The following NCAPG variants were observed in gnomAD, a reference collection of about 807,000 sequenced individuals.
NCAPG encodes condensin complex subunit 3.
Under a neutral mutation model 113.1 loss-of-function variants are expected in NCAPG, and 69 were observed. That is an observed-to-expected ratio of 0.61 (90% CI 0.50 to 0.75). The LOEUF is 0.75. Ranked by LOEUF, NCAPG falls within the 30% of genes least tolerant of loss-of-function variation. The probability of loss-of-function intolerance (pLI) is 0.00; values close to 1 mark genes in which losing one functional copy is unlikely to be tolerated. For missense variants in NCAPG, 1,058 were observed against 1,177.0 expected (o/e 0.90, Z 1.48); for synonymous variants, 370 against 415.8 (o/e 0.89, Z 1.34).
chr4:17,834,902 A>G (rs1722032197), intron 14 of NCAPG, among the ~76,000 whole-genome samples: 3 of 152,242 alleles, frequency 2.0e-5, no homozygotes, highest in Non-Finnish European at 4.4e-5. Flanking sequence ...ATTTCTCACT[A>G]TCAAATTGTA....
chr4:17,816,280 G>C lies in NCAPG; in HGVS notation c.775+922G>C, dbSNP rs967735617. On this transcript the variant is annotated intron_variant, in intron 5 of 20. Transcript: ENST00000251496. ...CACAATAGAGTTCCTGCGCCTGAGA[G>C]AATCTAATGCATCTGCTGATCTGAC... Among the ~76,000 whole-genome samples, 5 of 152,232 alleles carry C rather than the reference G, an allele frequency of 3.3e-5. 1 individual carries two copies. The Middle Eastern group carries it at 0.017, about 518-fold the overall frequency.
chr4:17,825,450 T>C lies in NCAPG; in HGVS notation c.1542T>C (p.Asp514=). Residue 514 remains aspartate (D), a synonymous_variant, in exon 11 of 21, where the codon GAT becomes GAC. Transcript: ENST00000251496. ...TGGAAAATTGCATTACCTTACAGGA[T>C]TTTAATCGGGCATCAGAATTAAAAG... is the stretch of plus-strand genomic sequence containing the variant. ...EALENCITLQ[D]FNRASELKEE... 6.2e-7 allele frequency: 1 copy of C among 1,609,202 alleles called. No individual in the cohort carries two copies. Among genetic ancestry groups the C allele is most frequent in the Non-Finnish European group, 8.5e-7 (1 of 1,178,484 alleles).
chr4:17,834,523 G>C lies in NCAPG; in HGVS notation c.2109G>C (p.Glu703Asp), dbSNP rs762541566. The C allele has an allele frequency of 6.4e-7, 1 of 1,559,518 alleles. No homozygotes were observed. Among genetic ancestry groups the C allele is most frequent in the South Asian group, 1.2e-5 (1 of 83,232 alleles). The change falls in exon 14 of 21, where the codon GAG (glutamate) becomes GAC (aspartate). Residue 703 changes from glutamate (E) to aspartate (D), a missense_variant and splice_region_variant. Glu to Asp is a conservative substitution (Grantham distance 45, BLOSUM62 2). Coordinates refer to ENST00000251496, the MANE Select transcript of NCAPG (RefSeq NM_022346.5). ...TCCTTTCTGATTTCTTAGATAGTGA[G>C]GTAAGAAATAATCCAGTCCTGTGAT... is the stretch of plus-strand genomic sequence containing the variant. Reference protein sequence around the residue: ...LKLLSDFLDSEVSELRTGAAE... With the variant: ...LKLLSDFLDSDVSELRTGAAE...
At chr4:17,837,429 T>A (rs777595872) in intron 15 of NCAPG, 89 bp downstream of exon 15, 103 of 1,320,100 alleles carry the variant, frequency 7.8e-5, no homozygotes, top group Non-Finnish European at 1.0e-4. Flanking sequence ...ATTTTGTTGT[T>A]GATACTTTTT....
intron 5 of NCAPG, 138 bp from the exon 6 acceptor site, chr4:17,817,123 A>G: frequency 8.1e-6 from 5 of 617,660 alleles, no homozygotes; most frequent in Non-Finnish European, 1.4e-5. Context: ...AAAAATATAT[A>G]TATACATGCT....
intron 20 of NCAPG, 29 bp downstream of exon 20, chr4:17,842,408 AG>A (rs1265842704): frequency 6.4e-7 from 1 of 1,555,000 alleles, no homozygotes; most frequent in East Asian, 2.2e-5. Flanking sequence ...GAATATATGG[AG>A]GCCTATCTTC....
rs762983154 is a variant in NCAPG, at chr4:17,843,324, G to C, written c.2947G>C (p.Glu983Gln). 6 of 1,611,746 alleles carry C rather than the reference G, an allele frequency of 3.7e-6. No homozygotes were observed. In the South Asian group the frequency reaches 5.5e-5, roughly 15 times the overall value. The stretch of plus-strand genomic sequence containing the variant: ...TAGTGATCATGAAGTTCCAGAACCA[G>C]AATCAGAAATGAAGATGAGACTACC... ...SESDHEVPEP[E>Q]SEMKMRLPRR... The change falls in exon 21 of 21, where the codon GAA becomes CAA. Residue 983 changes from glutamate to glutamine, a missense_variant. Coordinates refer to ENST00000251496, the MANE Select transcript of NCAPG (RefSeq NM_022346.5).
intron 14 of NCAPG, among the ~76,000 whole-genome samples, 168 bp from the exon 15 acceptor site, chr4:17,836,991 G>A (rs1289095877): frequency 1.3e-5 from 2 of 152,124 alleles, no homozygotes; most frequent in Non-Finnish European, 2.9e-5. Context: ...GTCTAAAATT[G>A]TTATTCTAGC....
At position 17,810,997 on chromosome 4, in the gene NCAPG, G is replaced by C; in HGVS notation, c.-81G>C. On this transcript the variant is annotated 5_prime_UTR_variant, in exon 1 of 21. Coordinates refer to ENST00000251496, the MANE Select transcript of NCAPG (RefSeq NM_022346.5). ...TGGGGCTGTCATAGAAGACTACTCGGAGAGCGCTGCCTCTGGGTTGGCGGG... is the reference window on the plus strand; with the variant it reads ...TGGGGCTGTCATAGAAGACTACTCGCAGAGCGCTGCCTCTGGGTTGGCGGG... 2 of 790,688 alleles carry C rather than the reference G, an allele frequency of 2.5e-6. No individual in the cohort carries two copies. Among genetic ancestry groups the C allele is most frequent in the Non-Finnish European group, 3.8e-6 (2 of 520,532 alleles). 49.0% of individuals were successfully genotyped at this position (790,688 alleles called of 1,614,324 possible).
chr4:17,816,841 A>C (rs961319488), intron 5 of NCAPG, among the ~76,000 whole-genome samples: 1 of 151,948 alleles, frequency 6.6e-6, no homozygotes, highest in Non-Finnish European at 1.5e-5. Context: ...TTTACCTTTA[A>C]TATGCTTAGT....
intron 6 of NCAPG, 57 bp downstream of exon 6, chr4:17,817,510 TG>T (rs1322992967): frequency 3.4e-6 from 5 of 1,458,096 alleles, no homozygotes; most frequent in African/African-American, 1.4e-5. Flanking sequence ...GCAATTAATT[TG>T]TTTTTTTTCC....
intron 15 of NCAPG, 136 bp downstream of exon 15, chr4:17,837,476 G>A (rs1320540722): frequency 5.7e-6 from 7 of 1,225,032 alleles, no homozygotes; most frequent in South Asian, 3.0e-5. Context: ...TGACAAGAAC[G>A]ATACAGATTT....
rs555439970 is a variant in NCAPG, at chr4:17,817,400, T to C, written c.915T>C (p.Phe305=). The C allele has an allele frequency of 1.9e-6, 3 of 1,614,164 alleles. No individual in the cohort carries two copies. The South Asian group carries it at 3.3e-5, about 18-fold the overall frequency. ...CAGTCTCTGTTCTCAATGCCTTGTT[T>C]TCAATAACTCCTCTCAGTGAACTGG... ...EVAVSVLNAL[F]SITPLSELVG... Residue 305 remains phenylalanine (F), a synonymous_variant, in exon 6 of 21, where the codon TTT becomes TTC. Transcript: ENST00000251496.
intron 16 of NCAPG, 87 bp downstream of exon 16, chr4:17,837,888 T>C (rs952965544): frequency 6.8e-7 from 1 of 1,464,920 alleles, no homozygotes; most frequent in Non-Finnish European, 9.4e-7. Flanking sequence ...AGGAACTGCA[T>C]TTTGGTCTTT....
At chr4:17,817,487 C>G (rs370955660) in intron 6 of NCAPG, 34 bp downstream of exon 6, 25 of 1,543,174 alleles carry the variant, frequency 1.6e-5, no homozygotes, top group South Asian at 2.3e-5. Flanking sequence ...AAATGTAGTA[C>G]TGATTAACTT....
intron 17 of NCAPG, 67 bp downstream of exon 17, chr4:17,839,904 T>C: frequency 6.8e-7 from 1 of 1,468,676 alleles, no homozygotes; most frequent in Non-Finnish European, 9.2e-7. Context: ...ATTTACATGG[T>C]TGTATTAGAT....
chr4:17,836,887 A>G (rs561336267), intron 14 of NCAPG, among the ~76,000 whole-genome samples: 72 of 152,284 alleles, frequency 4.7e-4, no homozygotes, highest in African/African-American at 1.6e-3. Context: ...CAACAGTTAT[A>G]AAAGGCCTTT....
rs1560228027 is a variant in NCAPG, at chr4:17,828,268, T to G, written c.1654-10T>G. The stretch of plus-strand genomic sequence containing the variant: ...TATTACTAATGCTGAATATTTTGTC[T>G]TCATTTTAGAATGATGCTGAAACAT... On this transcript the variant is annotated splice_polypyrimidine_tract_variant and intron_variant, in intron 11 of 20. Coordinates refer to ENST00000251496, the MANE Select transcript of NCAPG (RefSeq NM_022346.5). The G allele has an allele frequency of 8.8e-6, 14 of 1,590,010 alleles. No individual in the cohort carries two copies. The highest frequency in any genetic ancestry group is 1.1e-5 in the Non-Finnish European group (13 of 1,163,956).
chr4:17,840,085 G>A lies in NCAPG; in HGVS notation c.2643G>A (p.Arg881=). The A allele has an allele frequency of 1.2e-6, 2 of 1,604,700 alleles. No individual in the cohort carries two copies. The highest frequency in any genetic ancestry group is 1.7e-6 in the Non-Finnish European group (2 of 1,177,024). ...TTCTTTTATAGCAAGTAAAAGATAG[G>A]ACATGTCTGAGAGCTTTGGAGAAAA... The part of the protein sequence containing the change: ...LNEILEQVKD[R]TCLRALEKIK... The change falls in exon 18 of 21, where the codon AGG becomes AGA. Residue 881 remains arginine, a synonymous_variant. Transcript: ENST00000251496.
Sources: allele counts gnomAD v4.1 joint callset (sites outside exome capture counted in the v4.1 genomes callset), GRCh38; gene constraint gnomAD v4.1.1; transcripts MANE v1.5; gene names NCBI Gene and HGNC (gene_info 2026-07-23, HGNC 2026-07-21).